The following AMIGO3 variants were observed in gnomAD, a reference collection of about 807,000 sequenced individuals.
AMIGO3 encodes the protein amphoterin-induced protein 3.
In AMIGO3, 6 loss-of-function variants were observed where a neutral mutation model predicts 4.3. The observed-to-expected ratio is 1.39, with a 90% CI of 0.76 to 2.75. The LOEUF is 2.75. AMIGO3 is among the 30% of genes most tolerant of loss of function. AMIGO3 has a pLI of 0.00. For synonymous variants in AMIGO3, 315 were observed against 320.0 expected, an observed-to-expected ratio of 0.98 and a Z score of 0.17; for missense variants, 771 against 692.1, an observed-to-expected ratio of 1.11 and a Z score of -1.28.
chr3:49,717,047 G>T lies in AMIGO3; in HGVS notation c.*904C>A, dbSNP rs980125954. On this transcript the variant is annotated 3_prime_UTR_variant, in exon 1 of 1. Coordinates refer to ENST00000320431, the MANE Select transcript of AMIGO3 (RefSeq NM_198722.3). ...TGAGACCAGTGCCAGCCCTTAAGAG[G>T]CTCCTGCTCTCGAGGGACGTGGAGT... 1.3e-5 allele frequency: 2 copies of T among 153,024 alleles called. No homozygotes were observed. Among genetic ancestry groups the T allele is most frequent in the Non-Finnish European group, 2.9e-5 (2 of 68,674 alleles). The allele number at this position is 153,024 out of a possible 1,614,324, so 9.5% of individuals were successfully genotyped here.
chr3:49,718,290 G>A lies in AMIGO3; in HGVS notation c.1176C>T (p.Ala392=). 2 of 1,613,098 alleles carry A rather than the reference G, an allele frequency of 1.2e-6. No homozygotes were observed. Among genetic ancestry groups the A allele is most frequent in the South Asian group, 2.2e-5 (2 of 91,076 alleles). Reference sequence around the variant, plus strand: ...AGAGCAGCACGAGCACAAGGCCCACGGCACAGCCCAGCAGTGTGGTGAAGC... The same window carrying A: ...AGAGCAGCACGAGCACAAGGCCCACAGCACAGCCCAGCAGTGTGGTGAAGC... ...NTGFTTLLGC[A]VGLVLVLLYL... is the part of the protein sequence containing the mutation. The change falls in exon 1 of 1, where the codon GCC becomes GCT. Residue 392 remains alanine (A), a synonymous_variant. Transcript: ENST00000320431.
Position 49,718,826 on chromosome 3 carries a change from G to A in AMIGO3, c.640C>T (p.Leu214Phe), listed in dbSNP as rs761101273. Residue 214 changes from leucine to phenylalanine, a missense_variant, in exon 1 of 1, where the codon CTC becomes TTC. By Grantham distance (22) the Leu-to-Phe change is conservative. Transcript: ENST00000320431. ...GGCAAAGGGTTGTTGTGCAAGTAGAGGCCGTTCTTGAGGAAGGCCGGCAGC... is the reference window on the plus strand; with the variant it reads ...GGCAAAGGGTTGTTGTGCAAGTAGAAGCCGTTCTTGAGGAAGGCCGGCAGC... ...AALPAFLKNG[L>F]YLHNNPLPCD... The A allele has an allele frequency of 4.3e-6, 7 of 1,613,290 alleles. No homozygotes were observed. The highest frequency in any genetic ancestry group is 1.7e-5 in the Admixed American group (1 of 60,018).
rs533956352 is a variant in AMIGO3 at position 49,717,393 on chromosome 3, C to T, written c.*558G>A. 2.5e-5 allele frequency: 4 copies of T among 160,792 alleles called. No individual in the cohort carries two copies. The highest frequency in any genetic ancestry group is 1.7e-4 in the Admixed American group (3 of 17,708). The allele number at this position is 160,792 out of a possible 1,614,324, so 10.0% of individuals were successfully genotyped here. A position where few individuals can be genotyped will look rare whatever the true frequency, so the allele number is the denominator to read the frequency against. On this transcript the variant is annotated 3_prime_UTR_variant, in exon 1 of 1. Transcript: ENST00000320431. ...GAGTCCCATTTCACCAGAGGGCGGGCTTGTTTCCTCTTTCTGTCCTGGGGT... is the reference window on the plus strand; with the variant it reads ...GAGTCCCATTTCACCAGAGGGCGGGTTTGTTTCCTCTTTCTGTCCTGGGGT...
In AMIGO3 at chr3:49,718,238, A is replaced by G. The variant is rs778615839; in HGVS notation, c.1228T>C (p.Cys410Arg). The change falls in exon 1 of 1, where the codon TGC becomes CGC. Residue 410 changes from cysteine to arginine, a missense_variant. Coordinates refer to ENST00000320431, the MANE Select transcript of AMIGO3 (RefSeq NM_198722.3). The part of the protein sequence containing the change: ...LYLFAPPCRC[C>R]RRACRCRRWP... ...CGGCGGCAGCGGCAGGCACGGCGGC[A>G]GCAGCGGCAGGGTGGGGCGAACAGG... 1.6e-5 allele frequency: 25 copies of G among 1,611,466 alleles called. No individual in the cohort carries two copies. The highest frequency in any genetic ancestry group is 5.0e-5 in the Admixed American group (3 of 59,930).
rs773696500 is a variant in AMIGO3, at chr3:49,719,030, C to T, written c.436G>A (p.Val146Met). 6.2e-7 allele frequency: 1 copy of T among 1,613,904 alleles called. No homozygotes were observed. The highest frequency in any genetic ancestry group is 8.5e-7 in the Non-Finnish European group (1 of 1,180,042). ...TGGAAGGCATGCTCGTCCAAGTGCA[C>T]CAAGCGGTTATTGAACAGAAGCAGC... ...EKLLLFNNRL[V>M]HLDEHAFHGL... The change falls in exon 1 of 1, where the codon GTG becomes ATG. Residue 146 changes from valine (V) to methionine (M), a missense_variant. Coordinates refer to ENST00000320431, the MANE Select transcript of AMIGO3 (RefSeq NM_198722.3).
At position 49,719,592 on chromosome 3, in the gene AMIGO3, C is replaced by G; in HGVS notation, c.-127G>C. 7.4e-6 allele frequency: 6 copies of G among 811,348 alleles called. No homozygotes were observed. The highest frequency in any genetic ancestry group is 1.9e-6 in the Non-Finnish European group (1 of 515,340). 50.3% of individuals were successfully genotyped at this position (811,348 alleles called of 1,614,324 possible). A position where few individuals can be genotyped will look rare whatever the true frequency, so the allele number is the denominator to read the frequency against. Reference sequence around the variant, plus strand: ...CCTTGCCGAGGAGGCACGGCGGGTTCTTGCCAGCCGACGGCCCCTACTCTC... The same window carrying G: ...CCTTGCCGAGGAGGCACGGCGGGTTGTTGCCAGCCGACGGCCCCTACTCTC... On this transcript the variant is annotated 5_prime_UTR_variant, in exon 1 of 1. Coordinates refer to ENST00000320431, the MANE Select transcript of AMIGO3 (RefSeq NM_198722.3).
In AMIGO3 at chr3:49,719,623, C is replaced by G. The variant is rs2080343612; in HGVS notation, c.-158G>C. On this transcript the variant is annotated 5_prime_UTR_variant, in exon 1 of 1. Coordinates refer to ENST00000320431, the MANE Select transcript of AMIGO3 (RefSeq NM_198722.3). Reference sequence around the variant, plus strand: ...AGCCGACGGCCCCTACTCTCCGGTTCCCAGGTTGTGAGGCGGTGCGGCACT... The same window carrying G: ...AGCCGACGGCCCCTACTCTCCGGTTGCCAGGTTGTGAGGCGGTGCGGCACT... 3.1e-6 allele frequency: 2 copies of G among 643,622 alleles called. No individual in the cohort carries two copies. Among genetic ancestry groups the G allele is most frequent in the Non-Finnish European group, 5.4e-6 (2 of 371,468 alleles). 39.9% of individuals were successfully genotyped at this position (643,622 alleles called of 1,614,324 possible). A position where few individuals can be genotyped will look rare whatever the true frequency, so the allele number is the denominator to read the frequency against.
Position 49,719,278 on chromosome 3 carries a change from G to A in AMIGO3, c.188C>T (p.Thr63Ile). 1.2e-6 allele frequency: 2 copies of A among 1,613,284 alleles called. No individual in the cohort carries two copies. Among genetic ancestry groups the A allele is most frequent in the South Asian group, 2.2e-5 (2 of 91,076 alleles). The change falls in exon 1 of 1, where the codon ACT (threonine) becomes ATT (isoleucine). Residue 63 changes from threonine to isoleucine, a missense_variant. Physicochemically the swap from Thr to Ile is moderately conservative, Grantham distance 89. Coordinates refer to ENST00000320431, the MANE Select transcript of AMIGO3 (RefSeq NM_198722.3). The part of the protein sequence containing the change: ...QDVPAELPAA[T>I]ADLDLSHNAL... ...GTTGTGGCTCAGGTCGAGGTCCGCA[G>A]TAGCGGCAGGTAACTCGGCTGGCAC...
At position 49,718,204 on chromosome 3, in the gene AMIGO3, T is replaced by TGGGGCCA; in HGVS notation, c.1255_1261dup (p.Gln421LeufsTer56). The TGGGGCCA allele has an allele frequency of 1.9e-6, 3 of 1,611,488 alleles. No homozygotes were observed. The highest frequency in any genetic ancestry group is 2.5e-6 in the Non-Finnish European group (3 of 1,179,058). ...CAGCTCTTGGAGCGGGCTGGGTGTT[T>TGGGGCCA]GGGGCCAGCGGCGGCAGCGGCAGGC... On this transcript the variant is annotated frameshift_variant, in exon 1 of 1. Transcript: ENST00000320431. LOFTEE classifies it high-confidence loss of function.
At position 49,717,004 on chromosome 3, in the gene AMIGO3, CCGCCTCAGCCA is replaced by C. The variant is rs1176599251; in HGVS notation, c.*936_*946del. The C allele has an allele frequency of 6.4e-6, 1 of 155,566 alleles. No individual in the cohort carries two copies. Among genetic ancestry groups the C allele is most frequent in the East Asian group, 1.9e-4 (1 of 5,242 alleles). The allele number at this position is 155,566 out of a possible 1,614,324, so 9.6% of individuals were successfully genotyped here. ...GTGAGATGCATATGAAGCCAGGGTA[CCGCCTCAGCCA>C]TTAGGCTGAGACCAGTGCCAGCCCT... is the stretch of plus-strand genomic sequence containing the variant. On this transcript the variant is annotated 3_prime_UTR_variant, in exon 1 of 1. Coordinates refer to ENST00000320431, the MANE Select transcript of AMIGO3 (RefSeq NM_198722.3).
rs770768707 is a variant in AMIGO3, at chr3:49,719,476, A to T, written c.-11T>A. 2.5e-6 allele frequency: 4 copies of T among 1,605,502 alleles called. No individual in the cohort carries two copies. Among genetic ancestry groups the T allele is most frequent in the Non-Finnish European group, 1.7e-6 (2 of 1,175,780 alleles). ...CACCAACCAGGTCATGGCGGCGACC[A>T]CCAGGGACAGTACAGAGCAGCTCTG... On this transcript the variant is annotated 5_prime_UTR_variant, in exon 1 of 1. Coordinates refer to ENST00000320431, the MANE Select transcript of AMIGO3 (RefSeq NM_198722.3).
At position 49,719,078 on chromosome 3, in the gene AMIGO3, C is replaced by A; in HGVS notation, c.388G>T (p.Asp130Tyr). ...TLRALGRHDL[D>Y]GLGALEKLLL... ...AGCTTCTCCAGCGCCCCCAGCCCGT[C>A]GAGGTCGTGGCGGCCAAGCGCCCGC... The change falls in exon 1 of 1, where the codon GAC (aspartate) becomes TAC (tyrosine). Residue 130 changes from aspartate to tyrosine, a missense_variant. Physicochemically the swap from Asp to Tyr is radical, Grantham distance 160. Coordinates refer to ENST00000320431, the MANE Select transcript of AMIGO3 (RefSeq NM_198722.3). 1 of 1,613,782 alleles carries A rather than the reference C, an allele frequency of 6.2e-7. No homozygotes were observed. The highest frequency in any genetic ancestry group is 8.5e-7 in the Non-Finnish European group (1 of 1,180,034).
chr3:49,719,458 C>A lies in AMIGO3; in HGVS notation c.8G>T (p.Trp3Leu). The change falls in exon 1 of 1, where the codon TGG becomes TTG. Residue 3 changes from tryptophan to leucine, a missense_variant. Transcript: ENST00000320431. MT[W>L]LVLLGTLLCM... is the part of the protein sequence containing the mutation. ...GAGCAGTGTCCCCAGCAGCACCAAC[C>A]AGGTCATGGCGGCGACCACCAGGGA... 6.2e-7 allele frequency: 1 copy of A among 1,611,292 alleles called. No individual in the cohort carries two copies. Among genetic ancestry groups the A allele is most frequent in the Non-Finnish European group, 8.5e-7 (1 of 1,178,994 alleles).
In AMIGO3 at chr3:49,717,351, G is replaced by C. The variant is rs2080268503; in HGVS notation, c.*600C>G. ...AGTTGTGAAGCTTTCAGGAGGTTGGGTGTTGGTGGATGGAGGGAGTCCCAT... is the reference window on the plus strand; with the variant it reads ...AGTTGTGAAGCTTTCAGGAGGTTGGCTGTTGGTGGATGGAGGGAGTCCCAT... On this transcript the variant is annotated 3_prime_UTR_variant, in exon 1 of 1. Coordinates refer to ENST00000320431, the MANE Select transcript of AMIGO3 (RefSeq NM_198722.3). 6.3e-6 allele frequency: 1 copy of C among 159,240 alleles called. No homozygotes were observed. The highest frequency in any genetic ancestry group is 2.4e-5 in the African/African-American group (1 of 41,474). The allele number at this position is 159,240 out of a possible 1,614,324, so 9.9% of individuals were successfully genotyped here. A position where few individuals can be genotyped will look rare whatever the true frequency, so the allele number is the denominator to read the frequency against.
chr3:49,718,620 C>G lies in AMIGO3; in HGVS notation c.846G>C (p.Glu282Asp). 1 of 1,613,034 alleles carries G rather than the reference C, an allele frequency of 6.2e-7. No individual in the cohort carries two copies. Among genetic ancestry groups the G allele is most frequent in the African/African-American group, 1.3e-5 (1 of 75,074 alleles). ...GCGCGTACAGGTGCTCTTCCGGCCG[C>G]TCTAGGCCAAGAGCTGGGGCCGACG... ...NCSSAPALGL[E>D]RPEEHLYALV... The change falls in exon 1 of 1, where the codon GAG becomes GAC. Residue 282 changes from glutamate to aspartate, a missense_variant. Transcript: ENST00000320431.
rs1199387428 is a variant in AMIGO3, at chr3:49,718,168, GA to G, written c.1297del (p.Ser433ProfsTer22). 6.2e-7 allele frequency: 1 copy of G among 1,613,166 alleles called. No homozygotes were observed. Among genetic ancestry groups the G allele is most frequent in the Non-Finnish European group, 8.5e-7 (1 of 1,180,012 alleles). ...TGGCGGTGTGGTGCTGAGTACTGAG[GA>G]CTGTGCGCTCAGCTCTTGGAGCGGG... Reference protein sequence around the residue: ...PSPLQELSAQSSVLSTTPPDA... With the variant: ...PSPLQELSAQXSVLSTTPPDA... On this transcript the variant is annotated frameshift_variant, in exon 1 of 1. Coordinates refer to ENST00000320431, the MANE Select transcript of AMIGO3 (RefSeq NM_198722.3). LOFTEE classifies it high-confidence loss of function.
rs149103139 is a variant in AMIGO3, at chr3:49,718,125, C to G, written c.1341G>C (p.Lys447Asn). The change falls in exon 1 of 1, where the codon AAG becomes AAC. Residue 447 changes from lysine to asparagine, a missense_variant. Coordinates refer to ENST00000320431, the MANE Select transcript of AMIGO3 (RefSeq NM_198722.3). ...STTPPDAPSR[K>N]ASVHKHVVFL... ...AGACTACGTGCTTGTGGACGCTGGC[C>G]TTGCGGCTGGGTGCGTCTGGCGGTG... is the stretch of plus-strand genomic sequence containing the variant. The G allele has an allele frequency of 4.2e-4, 680 of 1,613,490 alleles. 1 individual carries two copies. Among genetic ancestry groups the G allele is most frequent in the South Asian group, 1.0e-3 (92 of 91,092 alleles).
rs775062014 is a variant in AMIGO3, at chr3:49,718,336, T to C, written c.1130A>G (p.Glu377Gly). ...YNVSVHFPRP[E>G]PEAFNTGFTT... ...GAAGCCTGTGTTGAAAGCCTCGGGC[T>C]CTGGGCGCGGAAAGTGCACGCTCAC... The change falls in exon 1 of 1, where the codon GAG (glutamate) becomes GGG (glycine). Residue 377 changes from glutamate (E) to glycine (G), a missense_variant. Physicochemically the swap from Glu to Gly is moderately conservative, Grantham distance 98 (BLOSUM62 -2). Transcript: ENST00000320431. The C allele has an allele frequency of 2.5e-5, 41 of 1,613,244 alleles. No homozygotes were observed. Among genetic ancestry groups the C allele is most frequent in the Middle Eastern group, 1.6e-4 (1 of 6,084 alleles).
At position 49,718,223 on chromosome 3, in the gene AMIGO3, GGCAGGCACGGCGGCAGCA is replaced by G. The variant is rs781514291; in HGVS notation, c.1225_1242del (p.Cys409_Cys414del). The G allele has an allele frequency of 3.0e-5, 49 of 1,612,038 alleles. 5 individuals are homozygous for G. The South Asian group carries it at 5.2e-4, about 17-fold the overall frequency. On this transcript the variant is annotated inframe_deletion, in exon 1 of 1. Coordinates refer to ENST00000320431, the MANE Select transcript of AMIGO3 (RefSeq NM_198722.3). ...GGTGTTTGGGGCCAGCGGCGGCAGC[GGCAGGCACGGCGGCAGCA>G]GCGGCAGGGTGGGGCGAACAGGTAG...
Sources: gnomAD v4.1 joint callset for allele counts on GRCh38, gnomAD v4.1.1 for gene constraint, MANE v1.5 for transcripts, NCBI Gene and HGNC (gene_info 2026-07-23, HGNC 2026-07-21) for gene names.